Variants in GGACT observed in about 807,000 individuals in gnomAD.
The protein encoded by GGACT is gamma-glutamylamine cyclotransferase.
For synonymous variants in GGACT, 118 were observed against 115.3 expected, an observed-to-expected ratio of 1.02 and a Z score of -0.15; for missense variants, 241 against 233.2, an observed-to-expected ratio of 1.03 and a Z score of -0.22.
chr13:100,560,747 A>C (rs1473198325), intron 2 of GGACT, among the ~76,000 whole-genome samples: 2 of 152,106 alleles, frequency 1.3e-5, no homozygotes, highest in Non-Finnish European at 2.9e-5. Flanking sequence ...TCCCTCACAT[A>C]ATCTAGCTTT....
At chr13:100,578,797 C>CA (rs1395221926) in intron 2 of GGACT, 2 of 152,100 alleles carry the variant, frequency 1.3e-5, no homozygotes, top group East Asian at 3.9e-4. Context: ...AATAATGGCT[C>CA]AAAGAACACT....
At chr13:100,565,803 C>G (rs552816930) in intron 2 of GGACT, among the ~76,000 whole-genome samples, 1 of 152,172 alleles carries the variant, frequency 6.6e-6, no homozygotes, top group Non-Finnish European at 1.5e-5. Context: ...TGGCACCCAC[C>G]AAGCCCATGC....
intron 2 of GGACT, among the ~76,000 whole-genome samples, chr13:100,544,238 G>A (rs2088583109): frequency 6.6e-6 from 1 of 152,160 alleles, no homozygotes; most frequent in African/African-American, 2.4e-5. Flanking sequence ...TAATTCTTCA[G>A]AAGTTTCTTA....
chr13:100,542,412 C>T (rs187665290), intron 2 of GGACT, among the ~76,000 whole-genome samples: 15 of 152,300 alleles, frequency 9.8e-5, no homozygotes, highest in African/African-American at 2.9e-4. Flanking sequence ...ATCTAAAAAG[C>T]GTGTTCCAGC....
chr13:100,587,638 G>A (rs1020034506), intron 1 of GGACT, among the ~76,000 whole-genome samples: 1 of 152,126 alleles, frequency 6.6e-6, no homozygotes, highest in African/African-American at 2.4e-5. Context: ...GGACACCTAC[G>A]TGTGTGTAAG....
intron 1 of GGACT, among the ~76,000 whole-genome samples, chr13:100,588,299 T>G (rs71439669): frequency 0.047 from 7,113 of 152,278 alleles, 373 homozygotes; most frequent in East Asian, 0.15. Flanking sequence ...TTTAGATTTC[T>G]TTTGCAGCTT....
chr13:100,567,209 C>T (rs969900468), intron 2 of GGACT, among the ~76,000 whole-genome samples: 2 of 152,160 alleles, frequency 1.3e-5, no homozygotes, highest in African/African-American at 4.8e-5. Context: ...TACTCTTTTG[C>T]CCTTTATAGT....
At chr13:100,576,371 T>G (rs894438944) in intron 2 of GGACT, among the ~76,000 whole-genome samples, 1 of 152,222 alleles carries the variant, frequency 6.6e-6, no homozygotes, top group African/African-American at 2.4e-5. Context: ...ACAGGCATGG[T>G]GGAAAGTGTC....
chr13:100,543,197 C>CTTTTGTTTT (rs2088570468), intron 2 of GGACT, among the ~76,000 whole-genome samples: 1 of 69,892 alleles, frequency 1.4e-5, no homozygotes, highest in Non-Finnish European at 2.5e-5. Flanking sequence ...AAGACACCAG[C>CTTTTGTTTT]TTTTTTTTTT....
chr13:100,559,383 C>CA lies in GGACT; in HGVS notation c.-11+24441dup, dbSNP rs1269730410. Among the ~76,000 whole-genome samples, 97 of 152,024 alleles carry CA rather than the reference C, an allele frequency of 6.4e-4. 1 individual carries two copies. Among genetic ancestry groups the CA allele is most frequent in the African/African-American group, 2.1e-3 (88 of 41,466 alleles). On this transcript the variant is annotated intron_variant, in intron 2 of 2. Transcript: ENST00000683975. ...TTGTATTTTTAGTAGAATAGGGTTTCACCATGTTGCCCAGGCTGGTCTTCA... is the reference window on the plus strand; with the variant it reads ...TTGTATTTTTAGTAGAATAGGGTTTCAACCATGTTGCCCAGGCTGGTCTTCA...
intron 2 of GGACT, among the ~76,000 whole-genome samples, chr13:100,563,899 G>A (rs569793797): frequency 8.3e-4 from 126 of 152,308 alleles, no homozygotes; most frequent in African/African-American, 2.6e-3. Flanking sequence ...GGCAAGGAGC[G>A]TGAGCCCAGG....
chr13:100,560,537 C>T (rs1329694533), intron 2 of GGACT, among the ~76,000 whole-genome samples: 2 of 152,318 alleles, frequency 1.3e-5, no homozygotes, highest in South Asian at 2.1e-4. Flanking sequence ...AGGGAATGGA[C>T]AGGGAGTGAG....
At chr13:100,536,848 C>T (rs2088499239) in intron 2 of GGACT, 1 of 152,622 alleles carries the variant, frequency 6.6e-6, no homozygotes, top group Non-Finnish European at 1.5e-5. Flanking sequence ...TCAGGCTCTC[C>T]AGAAAGGAAC....
chr13:100,580,573 G>A (rs1875384948), intron 2 of GGACT, among the ~76,000 whole-genome samples: 1 of 152,232 alleles, frequency 6.6e-6, no homozygotes, highest in Non-Finnish European at 1.5e-5. Flanking sequence ...AAGCTTCCCA[G>A]TTTGTGGTAA....
chr13:100,582,841 C>T (rs946937837), intron 2 of GGACT, among the ~76,000 whole-genome samples: 3 of 152,160 alleles, frequency 2.0e-5, no homozygotes, highest in Non-Finnish European at 4.4e-5. Context: ...GTGCCCTTAA[C>T]CATGATGCTA....
intron 2 of GGACT, among the ~76,000 whole-genome samples, chr13:100,570,478 G>A (rs902039937): frequency 6.6e-6 from 1 of 151,458 alleles, no homozygotes; most frequent in Non-Finnish European, 1.5e-5. Flanking sequence ...AGAACAGGAT[G>A]GGGGGGAACC....
At chr13:100,551,556 G>C (rs1487236570) in intron 2 of GGACT, among the ~76,000 whole-genome samples, 1 of 152,124 alleles carries the variant, frequency 6.6e-6, no homozygotes, top group Non-Finnish European at 1.5e-5. Context: ...AATAGCTAAG[G>C]GGTAGCTAAA....
chr13:100,583,751 T>C (rs1490904749), intron 2 of GGACT, 74 bp downstream of exon 2: 1 of 152,208 alleles, frequency 6.6e-6, no homozygotes, highest in Admixed American at 6.5e-5. Flanking sequence ...CTGGCACTAT[T>C]TGTCAGCATA....
rs557265354 is a variant in GGACT, at chr13:100,539,983, C to T, written c.-10-7382G>A. On this transcript the variant is annotated intron_variant, in intron 2 of 2. Coordinates refer to ENST00000683975, the MANE Select transcript of GGACT (RefSeq NM_001195087.2). ...GGGTGTTCGGTCCTTGCGGGCTTCA[C>T]GAGATCGATTCCTGACTACTTTGCT... The T allele has an allele frequency of 9.2e-5, 141 of 1,537,428 alleles. 1 individual carries two copies. In the South Asian group the frequency reaches 1.4e-3, roughly 15 times the overall value.
Sources: allele counts gnomAD v4.1 joint callset (sites outside exome capture counted in the v4.1 genomes callset), GRCh38; gene constraint gnomAD v4.1.1; transcripts MANE v1.5; gene names NCBI Gene and HGNC (gene_info 2026-07-23, HGNC 2026-07-21).